HIPK2: variants seen among roughly 807,000 people sequenced by gnomAD.
HIPK2 encodes homeodomain-interacting protein kinase 2.
In HIPK2, 27 loss-of-function variants were observed where a neutral mutation model predicts 113.7. That is an observed-to-expected ratio of 0.24 (90% confidence interval 0.17 to 0.33). The LOEUF is 0.33. HIPK2 is among the 10% of genes least tolerant of loss of function. The pLI, the probability that HIPK2 is intolerant of heterozygous loss-of-function variation, is 1.00. For synonymous variants in HIPK2, 631 were observed against 642.2 expected (o/e 0.98, Z 0.26); for missense variants, 1,257 against 1,588.0 (o/e 0.79, Z 3.54).
At chr7:139,665,605 TCCAC>T (rs550011751) in intron 2 of HIPK2, among the ~76,000 whole-genome samples, 3 of 149,464 alleles carry the variant, frequency 2.0e-5, no homozygotes, top group Non-Finnish European at 4.5e-5. Flanking sequence ...CATCCATCCA[TCCAC>T]CCATGGTGCT....
At chr7:139,712,675 C>T (rs142901350) in intron 2 of HIPK2, among the ~76,000 whole-genome samples, 86 of 152,322 alleles carry the variant, frequency 5.6e-4, no homozygotes, top group South Asian at 1.4e-3. Flanking sequence ...TGGGCCTTAA[C>T]GATGGACAAT....
intron 9 of HIPK2, among the ~76,000 whole-genome samples, chr7:139,605,803 C>T (rs113284066): frequency 1.3e-4 from 20 of 152,304 alleles, no homozygotes; most frequent in African/African-American, 3.4e-4. Flanking sequence ...ACTCTACCAA[C>T]GCTATTAACT....
chr7:139,752,565 G>A (rs1179431476), intron 1 of HIPK2, among the ~76,000 whole-genome samples: 2 of 151,896 alleles, frequency 1.3e-5, no homozygotes, highest in East Asian at 3.9e-4. Flanking sequence ...TAACTTATGG[G>A]GTTAGGATCA....
At chr7:139,755,713 C>T (rs565394606) in intron 1 of HIPK2, among the ~76,000 whole-genome samples, 48 of 152,344 alleles carry the variant, frequency 3.2e-4, no homozygotes, top group Non-Finnish European at 5.7e-4. Flanking sequence ...TCACAAGGCA[C>T]TCATCTGGAA....
chr7:139,595,285 A>G (rs974772934), intron 12 of HIPK2, among the ~76,000 whole-genome samples: 12 of 152,224 alleles, frequency 7.9e-5, no homozygotes, highest in Non-Finnish European at 1.8e-4. Flanking sequence ...GGGGCTGGGC[A>G]GGGCCGTCCC....
Position 139,679,968 on chromosome 7 carries a change from A to G in HIPK2, c.1103+35964T>C, listed in dbSNP as rs186580692. On this transcript the variant is annotated intron_variant, in intron 2 of 14. Transcript: ENST00000406875. Reference sequence around the variant, plus strand: ...ACATGGACATTAGTCTTTATCCCAAAAGCCAGATACCCTGGGGAGCAAAGT... The same window carrying G: ...ACATGGACATTAGTCTTTATCCCAAGAGCCAGATACCCTGGGGAGCAAAGT... 2.0e-3 allele frequency among the ~76,000 whole-genome samples: 299 copies of G among 152,104 alleles called. 3 individuals carry two copies. Among genetic ancestry groups the G allele is most frequent in the African/African-American group, 6.8e-3 (281 of 41,496 alleles).
At chr7:139,698,797 GA>G (rs1794630112) in intron 2 of HIPK2, among the ~76,000 whole-genome samples, 1 of 152,112 alleles carries the variant, frequency 6.6e-6, no homozygotes, top group Non-Finnish European at 1.5e-5. Context: ...CAGACACCCA[GA>G]AAGGTTCCAG....
chr7:139,647,826 A>G (rs1340202784), intron 2 of HIPK2, among the ~76,000 whole-genome samples: 1 of 152,292 alleles, frequency 6.6e-6, no homozygotes, highest in Non-Finnish European at 1.5e-5. Flanking sequence ...TGGTATGAAC[A>G]GCTTAGTTTC....
At chr7:139,648,314 ATCTTCCC>A (rs1461321648) in intron 2 of HIPK2, among the ~76,000 whole-genome samples, 2 of 152,268 alleles carry the variant, frequency 1.3e-5, no homozygotes, top group African/African-American at 4.8e-5. Context: ...TCAAACAGAA[ATCTTCCC>A]TCTTCCCTCT....
At position 139,600,598 on chromosome 7, in the gene HIPK2, T is replaced by C; in HGVS notation, c.2256-2A>G. Reference sequence around the variant, plus strand: ...TGGCTTCCGTGAGCATGCGTATTTCTGAAAGGCAACCGGGACAACAAGGTG... The same window carrying C: ...TGGCTTCCGTGAGCATGCGTATTTCCGAAAGGCAACCGGGACAACAAGGTG... On this transcript the variant is annotated splice_acceptor_variant, in intron 10 of 14. Transcript: ENST00000406875. LOFTEE classifies it high-confidence loss of function. 1 of 1,613,548 alleles carries C rather than the reference T, an allele frequency of 6.2e-7. No homozygotes were observed. The highest frequency in any genetic ancestry group is 8.5e-7 in the Non-Finnish European group (1 of 1,179,542).
Position 139,564,541 on chromosome 7 carries a change from TCA to T in HIPK2, c.*8384_*8385del, listed in dbSNP as rs1003036957. On this transcript the variant is annotated 3_prime_UTR_variant, in exon 15 of 15. Coordinates refer to ENST00000406875, the MANE Select transcript of HIPK2 (RefSeq NM_022740.5). ...TTCGCATCTGGCCCGGGCTGCGGAC[TCA>T]CACCTTTTCCCTCCATCTGGATTGC... is the stretch of plus-strand genomic sequence containing the variant. 1.8e-4 allele frequency: 28 copies of T among 152,224 alleles called. No homozygotes were observed. The highest frequency in any genetic ancestry group is 6.8e-4 in the African/African-American group (28 of 41,466). The allele number at this position is 152,224 out of a possible 1,614,324, so 9.4% of individuals were successfully genotyped here.
At chr7:139,646,314 A>C (rs1801221093) in intron 2 of HIPK2, among the ~76,000 whole-genome samples, 1 of 152,034 alleles carries the variant, frequency 6.6e-6, no homozygotes, top group Non-Finnish European at 1.5e-5. Context: ...TGGGCAACAT[A>C]GTAAGACTCC....
intron 2 of HIPK2, among the ~76,000 whole-genome samples, chr7:139,712,097 T>C (rs73469967): frequency 0.014 from 2,061 of 152,318 alleles, 47 homozygotes; most frequent in African/African-American, 0.046. Context: ...CCTGAGAACC[T>C]GGGCAGCTGA....
chr7:139,561,904 A>G lies in HIPK2; in HGVS notation c.*11023T>C, dbSNP rs2116359197. The G allele has an allele frequency of 6.6e-6, 1 of 152,324 alleles. No homozygotes were observed. The highest frequency in any genetic ancestry group is 2.1e-4 in the South Asian group (1 of 4,824). 9.4% of individuals were successfully genotyped at this position (152,324 alleles called of 1,614,324 possible). On this transcript the variant is annotated 3_prime_UTR_variant, in exon 15 of 15. Coordinates refer to ENST00000406875, the MANE Select transcript of HIPK2 (RefSeq NM_022740.5). Reference sequence around the variant, plus strand: ...TATAAATTCACTCCATTTTTCTACAACGAAAATGATTAATTTAGAAGCACA... The same window carrying G: ...TATAAATTCACTCCATTTTTCTACAGCGAAAATGATTAATTTAGAAGCACA...
intron 2 of HIPK2, among the ~76,000 whole-genome samples, chr7:139,701,675 A>G (rs1392608702): frequency 1.3e-5 from 2 of 152,246 alleles, no homozygotes; most frequent in Non-Finnish European, 2.9e-5. Flanking sequence ...GGCCTAAGAA[A>G]TATATCATTT....
chr7:139,668,570 CAAAA>C (rs554785662), intron 2 of HIPK2, among the ~76,000 whole-genome samples: 1 of 102,852 alleles, frequency 9.7e-6, no homozygotes. Flanking sequence ...GGCTCTGTCT[CAAAA>C]AAAAAAAAAA....
intron 1 of HIPK2, among the ~76,000 whole-genome samples, chr7:139,776,754 C>T (rs1260901939): frequency 6.6e-6 from 1 of 152,196 alleles, no homozygotes; most frequent in Non-Finnish European, 1.5e-5. Context: ...AAAAACACAT[C>T]GAAGTGTAAA....
At position 139,614,360 on chromosome 7, in the gene HIPK2, G is replaced by C; in HGVS notation, c.1916C>G (p.Thr639Arg). Reference sequence around the variant, plus strand: ...CCGGGCACAAATCTGGGCTGTTCCTGTCTGCAGGGGCATGCTCCGCTGGGC... The same window carrying C: ...CCGGGCACAAATCTGGGCTGTTCCTCTCTGCAGGGGCATGCTCCGCTGGGC... ...AVAQRSMPLQ[T>R]GTAQICARPD... The change falls in exon 8 of 15, where the codon ACA (threonine) becomes AGA (arginine). Residue 639 changes from threonine (T) to arginine (R), a missense_variant. Thr to Arg is a moderately conservative substitution (Grantham distance 71). Transcript: ENST00000406875. The C allele has an allele frequency of 1.9e-6, 3 of 1,584,260 alleles. No homozygotes were observed. The highest frequency in any genetic ancestry group is 2.3e-5 in the East Asian group (1 of 43,418).
intron 7 of HIPK2, among the ~76,000 whole-genome samples, chr7:139,617,255 TG>T (rs1427623302): frequency 1.3e-5 from 2 of 152,104 alleles, no homozygotes; most frequent in Non-Finnish European, 2.9e-5. Flanking sequence ...AATCAGAGAC[TG>T]GGGTCTTGCT....
Sources: allele counts gnomAD v4.1 joint callset (sites outside exome capture counted in the v4.1 genomes callset), GRCh38; gene constraint gnomAD v4.1.1; transcripts MANE v1.5; gene names NCBI Gene and HGNC (gene_info 2026-07-23, HGNC 2026-07-21).